NFASC: variants seen among roughly 807,000 people sequenced by gnomAD.
NFASC encodes neurofascin homolog.
Under a neutral mutation model 147.5 loss-of-function variants are expected in NFASC, and 43 were observed. The ratio of observed to expected loss-of-function variants is 0.29; its 90% CI spans 0.23 to 0.38. The LOEUF (loss-of-function observed/expected upper bound fraction) is 0.38, where lower values mean the gene tolerates loss of function less well. Ranked by LOEUF, NFASC falls within the 10% of genes least tolerant of loss-of-function variation. The probability of loss-of-function intolerance (pLI) is 1.00; values close to 1 mark genes in which losing one functional copy is unlikely to be tolerated. For missense variants in NFASC, 1,320 were observed against 1,689.0 expected (o/e 0.78, Z 3.83); for synonymous variants, 622 against 665.5 (o/e 0.93, Z 1.01).
intron 1 of NFASC, among the ~76,000 whole-genome samples, chr1:204,903,324 G>A (rs1331049101): frequency 6.6e-6 from 1 of 152,138 alleles, no homozygotes; most frequent in Non-Finnish European, 1.5e-5. Context: ...TGTGTTTGTG[G>A]CTGGGCCAGG....
At chr1:204,932,389 C>A (rs182906854) in intron 2 of NFASC, among the ~76,000 whole-genome samples, 1 of 152,274 alleles carries the variant, frequency 6.6e-6, no homozygotes, top group Non-Finnish European at 1.5e-5. Context: ...GAAACCTTTA[C>A]CTGGATCTTC....
At chr1:204,864,310 A>G (rs778785635) in intron 1 of NFASC, among the ~76,000 whole-genome samples, 8 of 152,234 alleles carry the variant, frequency 5.3e-5, no homozygotes, top group Admixed American at 4.6e-4. Flanking sequence ...GTTGTGAACA[A>G]TGCTGCAGTG....
intron 2 of NFASC, among the ~76,000 whole-genome samples, chr1:204,935,680 G>A (rs1165102123): frequency 2.6e-5 from 4 of 152,132 alleles, no homozygotes; most frequent in Non-Finnish European, 5.9e-5. Flanking sequence ...GGAGTGATCC[G>A]AAATGGGATA....
intron 1 of NFASC, among the ~76,000 whole-genome samples, chr1:204,848,489 G>C (rs542400810): frequency 6.6e-6 from 1 of 152,180 alleles, no homozygotes; most frequent in African/African-American, 2.4e-5. Context: ...GCTTCCCAAA[G>C]TGTTGTGATT....
At chr1:204,829,767 T>G (rs775536896) in intron 1 of NFASC, among the ~76,000 whole-genome samples, 5 of 152,122 alleles carry the variant, frequency 3.3e-5, no homozygotes, top group Admixed American at 6.5e-5. Flanking sequence ...TGAGCCCTGA[T>G]GTAAAGGCCT....
chr1:204,875,015 C>T (rs1372533750), intron 1 of NFASC, among the ~76,000 whole-genome samples: 3 of 152,226 alleles, frequency 2.0e-5, no homozygotes, highest in Middle Eastern at 3.4e-3. Context: ...CGTTAAGTGA[C>T]TTGCCTAAGG....
chr1:204,988,847 C>G (rs1259372990), intron 23 of NFASC, 41 bp downstream of exon 23: 6 of 1,587,976 alleles, frequency 3.8e-6, no homozygotes, highest in Middle Eastern at 1.9e-4. Flanking sequence ...AAGGTCCCAG[C>G]TAATTCCGAG....
intron 2 of NFASC, among the ~76,000 whole-genome samples, chr1:204,927,810 G>A (rs6688381): frequency 0.052 from 7,878 of 152,218 alleles, 563 homozygotes; most frequent in African/African-American, 0.16. Flanking sequence ...ACTTGGAGCC[G>A]GGAGGGGGTG....
chr1:204,968,383 C>G lies in NFASC; in HGVS notation c.818+23C>G. 6.4e-7 allele frequency: 1 copy of G among 1,557,224 alleles called. No homozygotes were observed. Among genetic ancestry groups the G allele is most frequent in the Non-Finnish European group, 8.9e-7 (1 of 1,128,268 alleles). On this transcript the variant is annotated intron_variant, in intron 9 of 29. Transcript: ENST00000339876. The surrounding 1 kb of genome is among the most constrained non-coding windows in gnomAD (Gnocchi z 5.4). The stretch of plus-strand genomic sequence containing the variant: ...GGTGTATGTGCGGTTTGCAGCCCCT[C>G]TTCTAGCCACCCTCCAGGAGGATGG...
rs1239330719 is a variant in NFASC at position 204,954,250 on chromosome 1, G to A, written c.278G>A (p.Arg93Lys). 6.2e-7 allele frequency: 1 copy of A among 1,614,112 alleles called. No homozygotes were observed. Among genetic ancestry groups the A allele is most frequent in the Non-Finnish European group, 8.5e-7 (1 of 1,180,042 alleles). Reference sequence around the variant, plus strand: ...GCCAAGGACCCCCGGGTGTCCATGAGGAGGAGGTCTGGGACCCTGGTGATT... The same window carrying A: ...GCCAAGGACCCCCGGGTGTCCATGAAGAGGAGGTCTGGGACCCTGGTGATT... ...NIAKDPRVSM[R>K]RRSGTLVIDF... The change falls in exon 6 of 30, where the codon AGG becomes AAG. Residue 93 changes from arginine to lysine, a missense_variant. Coordinates refer to ENST00000339876, the MANE Select transcript of NFASC (RefSeq NM_001005388.3). This position sits in a 1 kb window ranked among gnomAD's most constrained non-coding sequence, Gnocchi z 5.7.
chr1:204,871,409 G>C (rs2077672876), intron 1 of NFASC, among the ~76,000 whole-genome samples: 1 of 152,204 alleles, frequency 6.6e-6, no homozygotes, highest in African/African-American at 2.4e-5. Context: ...GCTTTGATTT[G>C]AGGAATGAGG....
chr1:204,908,298 C>T (rs1234589080), intron 1 of NFASC, among the ~76,000 whole-genome samples: 2 of 151,992 alleles, frequency 1.3e-5, no homozygotes, highest in Non-Finnish European at 2.9e-5. Context: ...TATATTTTTA[C>T]AATATTTTCT....
At chr1:204,835,078 G>C (rs546464933) in intron 1 of NFASC, among the ~76,000 whole-genome samples, 3 of 152,140 alleles carry the variant, frequency 2.0e-5, no homozygotes, top group Non-Finnish European at 4.4e-5. Flanking sequence ...CCTTACAGGT[G>C]GTAAGAGATA....
At chr1:204,960,287 T>C (rs1558260996) in intron 8 of NFASC, among the ~76,000 whole-genome samples, 2 of 152,220 alleles carry the variant, frequency 1.3e-5, no homozygotes, top group Non-Finnish European at 2.9e-5. Flanking sequence ...TGGTATGTAA[T>C]GCAAAATACT....
chr1:204,951,882 C>A, intron 4 of NFASC, 129 bp from the exon 5 acceptor site: 2 of 656,862 alleles, frequency 3.0e-6, no homozygotes, highest in Non-Finnish European at 5.4e-6. Flanking sequence ...CTGTTCACCG[C>A]CCCCCACACC....
At chr1:204,829,780 A>G (rs1489495771) in intron 1 of NFASC, among the ~76,000 whole-genome samples, 3 of 152,162 alleles carry the variant, frequency 2.0e-5, no homozygotes, top group African/African-American at 7.2e-5. Context: ...AAAGGCCTGG[A>G]TGAGGAGCCC....
intron 1 of NFASC, among the ~76,000 whole-genome samples, chr1:204,863,343 A>G (rs1464686525): frequency 6.6e-6 from 1 of 152,248 alleles, no homozygotes; most frequent in African/African-American, 2.4e-5. Flanking sequence ...ATTTGGGGTC[A>G]GATATTGATG....
Position 204,954,126 on chromosome 1 carries a change from C to T in NFASC, c.216-62C>T, listed in dbSNP as rs1326199546. ...GAGCCAGGGACTAGGGATCTGAGATCTGCCTGGAGCCCAGAGCCCACCCCA... is the reference window on the plus strand; with the variant it reads ...GAGCCAGGGACTAGGGATCTGAGATTTGCCTGGAGCCCAGAGCCCACCCCA... On this transcript the variant is annotated intron_variant, in intron 5 of 29. Coordinates refer to ENST00000339876, the MANE Select transcript of NFASC (RefSeq NM_001005388.3). This position sits in a 1 kb window ranked among gnomAD's most constrained non-coding sequence, Gnocchi z 5.7. 1 of 1,488,732 alleles carries T rather than the reference C, an allele frequency of 6.7e-7. No homozygotes were observed. Among genetic ancestry groups the T allele is most frequent in the African/African-American group, 1.4e-5 (1 of 72,354 alleles). The allele number at this position is 1,488,732 out of a possible 1,614,324, so 92.2% of individuals were successfully genotyped here.
At chr1:204,874,440 T>G (rs1345757288) in intron 1 of NFASC, among the ~76,000 whole-genome samples, 1 of 152,208 alleles carries the variant, frequency 6.6e-6, no homozygotes, top group Admixed American at 6.5e-5. Flanking sequence ...TCCTCACAGC[T>G]CAGTAGTATC....
Sources: gnomAD v4.1 joint callset for allele counts (sites outside exome capture counted in the v4.1 genomes callset) on GRCh38, gnomAD v4.1.1 for gene constraint, Gnocchi (gnomAD v3.1) non-coding constraint, MANE v1.5 for transcripts, NCBI Gene and HGNC (gene_info 2026-07-23, HGNC 2026-07-21) for gene names.